ANK2: variants seen among roughly 807,000 people sequenced by gnomAD.
ANK2 encodes the protein ankyrin-2.
A neutral mutation model predicts 360.5 loss-of-function variants in ANK2; 83 were observed. The ratio of observed to expected loss-of-function variants is 0.23; its 90% CI spans 0.19 to 0.28. The LOEUF is 0.28. Ranked by LOEUF, ANK2 falls within the 10% of genes least tolerant of loss-of-function variation. The pLI is 1.00. For synonymous variants in ANK2, 1,740 were observed against 1,759.5 expected (o/e 0.99, Z 0.28); for missense variants, 4,201 against 4,795.7 (o/e 0.88, Z 3.66).
the ANK2 span, among the ~76,000 whole-genome samples, chr4:112,771,175 C>T: frequency 3.9e-5 from 6 of 152,166 alleles, no homozygotes; most frequent in Admixed American, 6.5e-5. Flanking sequence ...TGCAATGGTG[C>T]GATCTTGGCT....
chr4:113,281,964 C>T (rs1349789030), intron 17 of ANK2, among the ~76,000 whole-genome samples: 2 of 152,078 alleles, frequency 1.3e-5, no homozygotes, highest in Non-Finnish European at 2.9e-5. Context: ...GAATGCAACC[C>T]ATTAAAGACA....
intron 4 of ANK2, among the ~76,000 whole-genome samples, chr4:113,218,185 G>T (rs1296737761): frequency 6.6e-6 from 1 of 152,122 alleles, no homozygotes; most frequent in Non-Finnish European, 1.5e-5. Context: ...TAAAATACAT[G>T]TAATATGATA....
intron 1 of ANK2, chr4:113,070,144 C>G (rs578161374): frequency 6.6e-6 from 1 of 152,296 alleles, no homozygotes; most frequent in Admixed American, 6.5e-5. Flanking sequence ...ACTCTCCGCT[C>G]CATGCCTTTC....
the ANK2 span, among the ~76,000 whole-genome samples, chr4:112,726,636 G>T: frequency 6.6e-6 from 1 of 152,036 alleles, no homozygotes; most frequent in African/African-American, 2.4e-5. Context: ...CAGATCACAA[G>T]GTCAGGAGAT....
rs878854259 is a variant in ANK2 at position 113,343,131 on chromosome 4, C to T, written c.4237C>T (p.Leu1413=). 1.2e-6 allele frequency: 2 copies of T among 1,613,312 alleles called. No individual in the cohort carries two copies. Among genetic ancestry groups the T allele is most frequent in the Non-Finnish European group, 1.7e-6 (2 of 1,179,482 alleles). ...FFAFKENRLP[L]FVKVRDTTQE... is the part of the protein sequence containing the mutation. ...TGCCTTCAAAGAAAATAGACTTCCTCTATTTGTCAAGGTAATATATACATG... is the reference window on the plus strand; with the variant it reads ...TGCCTTCAAAGAAAATAGACTTCCTTTATTTGTCAAGGTAATATATACATG... The change falls in exon 34 of 46, where the codon CTA becomes TTA. Residue 1413 remains leucine (L), a synonymous_variant. Transcript: ENST00000357077.
the ANK2 span, among the ~76,000 whole-genome samples, chr4:112,791,476 C>CTTTT: frequency 9.2e-5 from 9 of 98,268 alleles, no homozygotes; most frequent in African/African-American, 1.9e-4. Flanking sequence ...TCTTCTTCTT[C>CTTTT]TTCTTTTTTT....
chr4:113,157,076 G>A (rs961977581), intron 1 of ANK2, among the ~76,000 whole-genome samples: 1 of 148,656 alleles, frequency 6.7e-6, no homozygotes, highest in Non-Finnish European at 1.5e-5. Context: ...TAACCTAAAG[G>A]TTTTTTTTTT....
chr4:113,009,218 T>C (rs954264680), intron 2 of ANK2, among the ~76,000 whole-genome samples: 1 of 152,188 alleles, frequency 6.6e-6, no homozygotes, highest in African/African-American at 2.4e-5. Context: ...ATGGATGTGG[T>C]ATTAAGTAGA....
chr4:112,750,529 A>G, the ANK2 span, among the ~76,000 whole-genome samples: 3 of 152,112 alleles, frequency 2.0e-5, no homozygotes, highest in East Asian at 1.9e-4. Context: ...AATAGACTAT[A>G]CTGTTATGGG....
At chr4:113,023,355 T>C (rs1282453486) in intron 2 of ANK2, among the ~76,000 whole-genome samples, 1 of 152,172 alleles carries the variant, frequency 6.6e-6, no homozygotes, top group African/African-American at 2.4e-5. Flanking sequence ...CCCAGCTACC[T>C]CAGCCCCGTC....
chr4:112,760,669 T>A, the ANK2 span, among the ~76,000 whole-genome samples: 1 of 152,030 alleles, frequency 6.6e-6, no homozygotes, highest in Non-Finnish European at 1.5e-5. Flanking sequence ...ATTAGGTATA[T>A]CTCCTAATGC....
chr4:113,265,909 C>G (rs1012824096), intron 14 of ANK2, among the ~76,000 whole-genome samples: 1 of 152,122 alleles, frequency 6.6e-6, no homozygotes, highest in East Asian at 1.9e-4. Flanking sequence ...TGGCTATGGT[C>G]ATATAAATTG....
chr4:112,815,081 TG>T (rs1425443781), upstream of ANK2, among the ~76,000 whole-genome samples: 17 of 151,980 alleles, frequency 1.1e-4, no homozygotes, highest in African/African-American at 3.9e-4. Flanking sequence ...TTCACCATGT[TG>T]GCTGGCCAGG....
intron 2 of ANK2, among the ~76,000 whole-genome samples, chr4:113,194,943 G>T (rs2098726557): frequency 6.6e-6 from 1 of 152,086 alleles, no homozygotes; most frequent in Admixed American, 6.6e-5. Flanking sequence ...ACCTGACACA[G>T]TGAAACTATA....
Position 113,357,321 on chromosome 4 carries a change from A to G in ANK2, c.8703A>G (p.Thr2901=), listed in dbSNP as rs755555119. 6.2e-7 allele frequency: 1 copy of G among 1,614,110 alleles called. No homozygotes were observed. The highest frequency in any genetic ancestry group is 8.5e-7 in the Non-Finnish European group (1 of 1,179,990). The change falls in exon 38 of 46, where the codon ACA becomes ACG. Residue 2901 remains threonine (T), a synonymous_variant. Transcript: ENST00000357077. ...AAGACTCATCCATTACTACTCAAAC[A>G]GATAGATTTTCCATGGATGTTCCCG... is the stretch of plus-strand genomic sequence containing the variant. The part of the protein sequence containing the change: ...PSQDSSITTQ[T]DRFSMDVPVS...
intron 2 of ANK2, among the ~76,000 whole-genome samples, chr4:112,915,781 TAATA>T (rs2089597606): frequency 6.6e-6 from 1 of 150,908 alleles, no homozygotes; most frequent in Non-Finnish European, 1.5e-5. Context: ...AATAAATAAA[TAATA>T]AATACATTTT....
intron 1 of ANK2, among the ~76,000 whole-genome samples, chr4:113,128,559 G>C (rs2095810370): frequency 6.6e-6 from 1 of 152,038 alleles, no homozygotes; most frequent in Non-Finnish European, 1.5e-5. Flanking sequence ...GCGCGATCTC[G>C]GCTCACTGCA....
chr4:113,367,416 GTCT>G, intron 41 of ANK2, 147 bp from the exon 42 acceptor site: 2 of 739,262 alleles, frequency 2.7e-6, no homozygotes, highest in East Asian at 2.7e-5. Flanking sequence ...TGGACACAGT[GTCT>G]TCTTCATCTT....
At chr4:112,992,568 A>C (rs1273182560) in intron 2 of ANK2, among the ~76,000 whole-genome samples, 3 of 152,174 alleles carry the variant, frequency 2.0e-5, no homozygotes, top group African/African-American at 7.2e-5. Context: ...AGTTCTGGAG[A>C]GTTTGAGTTG....
Sources: gnomAD v4.1 joint callset for allele counts (sites outside exome capture counted in the v4.1 genomes callset) on GRCh38, gnomAD v4.1.1 for gene constraint, MANE v1.5 for transcripts, NCBI Gene and HGNC (gene_info 2026-07-23, HGNC 2026-07-21) for gene names.